The following CSMD1 variants were observed in gnomAD, a reference collection of about 807,000 sequenced individuals.
The protein encoded by CSMD1 is CUB and Sushi multiple domains 1.
A neutral mutation model predicts 417.5 loss-of-function variants in CSMD1; 213 were observed. The ratio of observed to expected loss-of-function variants is 0.51; its 90% CI spans 0.46 to 0.57. The LOEUF is 0.57. Ranked by LOEUF, CSMD1 falls within the 20% of genes least tolerant of loss-of-function variation. CSMD1 has a pLI of 0.00. For synonymous variants in CSMD1, 2,862 were observed against 1,736.8 expected (o/e 1.65, Z -16.11); for missense variants, 6,923 against 4,529.7 (o/e 1.53, Z -15.17).
At chr8:3,968,480 G>C (rs541548198) in intron 5 of CSMD1, among the ~76,000 whole-genome samples, 14 of 152,190 alleles carry the variant, frequency 9.2e-5, no homozygotes, top group South Asian at 6.2e-4. Flanking sequence ...TTTTAGTTAA[G>C]TACATCTTCC....
chr8:4,429,301 T>A (rs1154055), intron 2 of CSMD1, among the ~76,000 whole-genome samples: 1 of 151,936 alleles, frequency 6.6e-6, no homozygotes, highest in Non-Finnish European at 1.5e-5. Context: ...TCATCAATTT[T>A]GCTTCACTGC....
chr8:3,753,669 A>G (rs1157995985), intron 6 of CSMD1, among the ~76,000 whole-genome samples: 1 of 152,226 alleles, frequency 6.6e-6, no homozygotes, highest in Non-Finnish European at 1.5e-5. Flanking sequence ...AATCAATGAT[A>G]ATAAATAGCT....
At chr8:4,724,626 G>GC (rs1190337647) in intron 1 of CSMD1, among the ~76,000 whole-genome samples, 1 of 150,848 alleles carries the variant, frequency 6.6e-6, no homozygotes, top group Non-Finnish European at 1.5e-5. Flanking sequence ...GATATTATTT[G>GC]GAAAAAATAA....
At chr8:3,388,661 CT>C (rs1451925224) in intron 17 of CSMD1, among the ~76,000 whole-genome samples, 5 of 152,288 alleles carry the variant, frequency 3.3e-5, no homozygotes, top group Non-Finnish European at 5.9e-5. Flanking sequence ...GGCCCCAATA[CT>C]TTTTTCTTAA....
chr8:3,529,090 C>G (rs1004498746), intron 10 of CSMD1, among the ~76,000 whole-genome samples: 2 of 152,120 alleles, frequency 1.3e-5, no homozygotes, highest in African/African-American at 4.8e-5. Flanking sequence ...ACAGAATATA[C>G]CGACTTCTTT....
intron 8 of CSMD1, among the ~76,000 whole-genome samples, chr8:3,599,459 T>C (rs1452537645): frequency 6.6e-6 from 1 of 151,994 alleles, no homozygotes; most frequent in Admixed American, 6.6e-5. Context: ...AGCAGCATTA[T>C]TAACCACAAC....
chr8:4,254,848 G>A (rs1432554324), intron 3 of CSMD1, among the ~76,000 whole-genome samples: 1 of 152,048 alleles, frequency 6.6e-6, no homozygotes, highest in Non-Finnish European at 1.5e-5. Context: ...CCATCTAGGT[G>A]GTCATATGCA....
chr8:4,947,045 A>G (rs1443407215), intron 1 of CSMD1, among the ~76,000 whole-genome samples: 2 of 152,206 alleles, frequency 1.3e-5, no homozygotes, highest in African/African-American at 4.8e-5. Flanking sequence ...TACCAGTAGT[A>G]TTGTTGCAAA....
intron 6 of CSMD1, among the ~76,000 whole-genome samples, chr8:3,747,493 GTT>G (rs34798949): frequency 7.6e-6 from 1 of 131,930 alleles, no homozygotes; most frequent in Non-Finnish European, 1.7e-5. Context: ...CAAATCATAC[GTT>G]TGTTTTTTTT....
intron 19 of CSMD1, among the ~76,000 whole-genome samples, chr8:3,368,490 C>T (rs557013136): frequency 4.6e-5 from 7 of 152,238 alleles, no homozygotes; most frequent in South Asian, 2.1e-4. Flanking sequence ...GCATGCACCA[C>T]GATGCCTGGC....
At chr8:4,070,779 C>G (rs1023847809) in intron 3 of CSMD1, among the ~76,000 whole-genome samples, 2 of 152,216 alleles carry the variant, frequency 1.3e-5, no homozygotes, top group Non-Finnish European at 2.9e-5. Flanking sequence ...GACACCCTCT[C>G]ATAAGCTGTC....
chr8:3,592,530 G>T (rs1176083792), intron 8 of CSMD1, among the ~76,000 whole-genome samples: 1 of 152,084 alleles, frequency 6.6e-6, no homozygotes, highest in Non-Finnish European at 1.5e-5. Flanking sequence ...GGATGGCATG[G>T]GGGCAGTAGC....
In CSMD1 at chr8:3,396,302, G is replaced by C; in HGVS notation, c.2485C>G (p.His829Asp). ...AGGAACTGGGGTGCCTGGGTGCCGT[G>C]GTACTCGCCGATCAGTGGGGACGAA... ...ASSSPLIGEY[H>D]GTQAPQFLIS... The change falls in exon 17 of 70, where the codon CAC becomes GAC. Residue 829 changes from histidine to aspartate, a missense_variant. His to Asp is a moderately conservative substitution (Grantham distance 81). Transcript: ENST00000635120. The C allele has an allele frequency of 6.2e-7, 1 of 1,606,084 alleles. No homozygotes were observed. Among genetic ancestry groups the C allele is most frequent in the Non-Finnish European group, 8.5e-7 (1 of 1,176,232 alleles).
intron 30 of CSMD1, among the ~76,000 whole-genome samples, chr8:3,206,742 C>A (rs955783803): frequency 2.0e-5 from 3 of 150,768 alleles, no homozygotes; most frequent in East Asian, 2.0e-4. Context: ...TAATTTTCCC[C>A]CAGTTATCTT....
At chr8:4,652,573 A>T (rs1585396677) in intron 1 of CSMD1, among the ~76,000 whole-genome samples, 1 of 151,602 alleles carries the variant, frequency 6.6e-6, no homozygotes, top group South Asian at 2.1e-4. Flanking sequence ...AATCGCTTGA[A>T]CCCGGGAGGC....
intron 12 of CSMD1, among the ~76,000 whole-genome samples, chr8:3,424,192 G>A (rs1002565885): frequency 6.6e-6 from 1 of 152,034 alleles, no homozygotes; most frequent in Admixed American, 6.6e-5. Context: ...TATGATATTT[G>A]TTTAGTACAG....
chr8:3,842,590 G>A (rs753027144), intron 5 of CSMD1, among the ~76,000 whole-genome samples: 4 of 152,002 alleles, frequency 2.6e-5, no homozygotes, highest in African/African-American at 9.7e-5. Flanking sequence ...TAAATCTCTT[G>A]CCTATATGGA....
At chr8:4,745,079 A>G (rs1337001265) in intron 1 of CSMD1, among the ~76,000 whole-genome samples, 1 of 152,132 alleles carries the variant, frequency 6.6e-6, no homozygotes, top group Non-Finnish European at 1.5e-5. Flanking sequence ...GGTCAATAAA[A>G]TCTCGAGAAA....
At chr8:3,362,503 C>A (rs1281242891) in intron 20 of CSMD1, among the ~76,000 whole-genome samples, 1 of 152,212 alleles carries the variant, frequency 6.6e-6, no homozygotes, top group Non-Finnish European at 1.5e-5. Context: ...CCTCCTAACT[C>A]ACTGGACCCA....
Sources: allele counts gnomAD v4.1 joint callset (sites outside exome capture counted in the v4.1 genomes callset), GRCh38; gene constraint gnomAD v4.1.1; transcripts MANE v1.5; gene names NCBI Gene and HGNC (gene_info 2026-07-23, HGNC 2026-07-21).